BTBD9: variants seen among roughly 807,000 people sequenced by gnomAD.
BTBD9 encodes BTB domain containing 9, also known as BTB/POZ domain-containing protein 9.
A neutral mutation model predicts 64.3 loss-of-function variants in BTBD9; 49 were observed. The ratio of observed to expected loss-of-function variants is 0.76; its 90% CI spans 0.61 to 0.97. The LOEUF is 0.97. Ranked by LOEUF, BTBD9 falls within the 50% of genes least tolerant of loss-of-function variation. BTBD9 has a pLI of 0.00. For synonymous variants in BTBD9, 260 were observed against 274.7 expected, an observed-to-expected ratio of 0.95 and a Z score of 0.53; for missense variants, 598 against 762.1, an observed-to-expected ratio of 0.78 and a Z score of 2.53.
intron 9 of BTBD9, among the ~76,000 whole-genome samples, chr6:38,242,191 C>T (rs184130846): frequency 1.3e-5 from 2 of 152,156 alleles, no homozygotes; most frequent in South Asian, 4.1e-4. Context: ...AGTTCATAGC[C>T]TCCTTGGGTT....
chr6:38,394,966 GA>G (rs11381822), intron 6 of BTBD9, among the ~76,000 whole-genome samples: 4 of 148,224 alleles, frequency 2.7e-5, no homozygotes, highest in South Asian at 2.1e-4. Flanking sequence ...AAAGAGAGGG[GA>G]AAAAAAAAAG....
intron 7 of BTBD9, among the ~76,000 whole-genome samples, chr6:38,327,331 C>T (rs1014980935): frequency 8.5e-5 from 13 of 152,116 alleles, no homozygotes; most frequent in South Asian, 2.1e-4. Context: ...TTATGCAAAA[C>T]GGTGACAAGC....
chr6:38,316,045 T>G (rs552334699), intron 7 of BTBD9, among the ~76,000 whole-genome samples: 1 of 152,340 alleles, frequency 6.6e-6, no homozygotes, highest in African/African-American at 2.4e-5. Flanking sequence ...GTTGACCCCT[T>G]TATCACTATA....
chr6:38,636,428 A>G (rs570445609), intron 1 of BTBD9, among the ~76,000 whole-genome samples: 2 of 152,176 alleles, frequency 1.3e-5, no homozygotes, highest in Middle Eastern at 3.4e-3. Flanking sequence ...CAGAATTAAC[A>G]CTGCCATTAT....
chr6:38,265,094 G>A (rs1045663484), intron 8 of BTBD9, among the ~76,000 whole-genome samples: 6 of 152,014 alleles, frequency 3.9e-5, no homozygotes, highest in Non-Finnish European at 8.8e-5. Context: ...AAGAAACGAT[G>A]GCACTGATTA....
intron 6 of BTBD9, among the ~76,000 whole-genome samples, chr6:38,525,438 A>C (rs952287579): frequency 6.6e-6 from 1 of 152,130 alleles, no homozygotes; most frequent in Admixed American, 6.5e-5. Flanking sequence ...TAAAACAGTT[A>C]ATTGGTACCA....
intron 4 of BTBD9, among the ~76,000 whole-genome samples, chr6:38,582,163 CT>C (rs1478623191): frequency 6.6e-6 from 1 of 152,130 alleles, no homozygotes; most frequent in Non-Finnish European, 1.5e-5. Flanking sequence ...AAGCAAAAGA[CT>C]GTAGCAACCC....
At chr6:38,526,253 G>A (rs1773484411) in intron 6 of BTBD9, among the ~76,000 whole-genome samples, 1 of 152,246 alleles carries the variant, frequency 6.6e-6, no homozygotes, top group South Asian at 2.1e-4. Flanking sequence ...TTGCTTCAGA[G>A]GATGCAAGCT....
chr6:38,193,144 T>C (rs541435179), intron 9 of BTBD9, among the ~76,000 whole-genome samples: 60 of 152,188 alleles, frequency 3.9e-4, no homozygotes, highest in African/African-American at 5.3e-4. Flanking sequence ...AATGGGGCCA[T>C]GATGGGGCCT....
chr6:38,572,717 T>C (rs1775827423), intron 6 of BTBD9, among the ~76,000 whole-genome samples: 2 of 151,164 alleles, frequency 1.3e-5, no homozygotes, highest in African/African-American at 4.9e-5. Flanking sequence ...CCTGAAAAGA[T>C]CTATGCAAAA....
chr6:38,291,249 T>A (rs1429818166), intron 7 of BTBD9, among the ~76,000 whole-genome samples: 1 of 152,218 alleles, frequency 6.6e-6, no homozygotes, highest in Non-Finnish European at 1.5e-5. Flanking sequence ...TTATTCTCTT[T>A]GTAGCAATTG....
rs559418546 is a variant in BTBD9, at chr6:38,178,410, A to T, written c.1642-3228T>A. Among the ~76,000 whole-genome samples, 5 of 152,286 alleles carry T rather than the reference A, an allele frequency of 3.3e-5. No individual in the cohort carries two copies. In the South Asian group the frequency reaches 1.0e-3, roughly 32 times the overall value. ...GCACACGTGAGCAGGGTCAGGAGGT[A>T]CACACGTACCACAAGCATGAAGCAC... On this transcript the variant is annotated intron_variant, in intron 10 of 10. Coordinates refer to ENST00000481247, the MANE Select transcript of BTBD9 (RefSeq NM_001099272.2).
In BTBD9 at chr6:38,305,676, G is replaced by T. The variant is rs376738095; in HGVS notation, c.1265-17215C>A. On this transcript the variant is annotated intron_variant, in intron 7 of 10. Transcript: ENST00000481247. ...TTTTTTTGTTTTTAGTAGAGATGGG[G>T]TTTCACCATGTTGGCCAGGCTGGTC... 9.2e-5 allele frequency among the ~76,000 whole-genome samples: 14 copies of T among 152,138 alleles called. No homozygotes were observed. The East Asian group carries it at 1.7e-3, about 19-fold the overall frequency.
intron 6 of BTBD9, among the ~76,000 whole-genome samples, chr6:38,569,255 C>G (rs951208057): frequency 9.9e-5 from 15 of 152,168 alleles, no homozygotes; most frequent in African/African-American, 3.4e-4. Context: ...GTGTCTTGTT[C>G]ATCTTTTTAT....
chr6:38,551,958 G>A (rs1261143183), intron 6 of BTBD9, among the ~76,000 whole-genome samples: 2 of 152,130 alleles, frequency 1.3e-5, no homozygotes, highest in Non-Finnish European at 2.9e-5. Flanking sequence ...AAATTATTAG[G>A]GATTTTAAGA....
At chr6:38,613,467 CA>C (rs1453440017) in intron 1 of BTBD9, among the ~76,000 whole-genome samples, 4 of 152,072 alleles carry the variant, frequency 2.6e-5, no homozygotes, top group Non-Finnish European at 5.9e-5. Context: ...ACTAAAAATA[CA>C]AAAATTAGCT....
intron 6 of BTBD9, among the ~76,000 whole-genome samples, chr6:38,494,232 TTTTTC>T (rs1771839827): frequency 6.6e-6 from 1 of 152,214 alleles, no homozygotes; most frequent in African/African-American, 2.4e-5. Flanking sequence ...CATTAGCTCC[TTTTTC>T]TTTTCTCTTT....
intron 6 of BTBD9, among the ~76,000 whole-genome samples, chr6:38,484,785 C>A (rs187456915): frequency 1.9e-3 from 287 of 152,332 alleles, no homozygotes; most frequent in Middle Eastern, 6.8e-3. Context: ...TGTTAACAAT[C>A]ATCTGAGTCT....
chr6:38,517,114 T>C (rs1454378567), intron 6 of BTBD9, among the ~76,000 whole-genome samples: 1 of 152,156 alleles, frequency 6.6e-6, no homozygotes, highest in East Asian at 1.9e-4. Flanking sequence ...TCAGTCATAT[T>C]TCAGAATGAC....
Sources: gnomAD v4.1 joint callset for allele counts (sites outside exome capture counted in the v4.1 genomes callset) on GRCh38, gnomAD v4.1.1 for gene constraint, MANE v1.5 for transcripts, NCBI Gene and HGNC (gene_info 2026-07-23, HGNC 2026-07-21) for gene names.